The following PIWIL1 variants were observed in gnomAD, a reference collection of about 807,000 sequenced individuals.
The protein encoded by PIWIL1 is piwi like RNA-mediated gene silencing 1, also known as piwi-like protein 1.
PIWIL1 carries 73 observed loss-of-function variants against 114.4 expected under a neutral mutation model. The observed-to-expected ratio is 0.64, with a 90% CI of 0.53 to 0.78. PIWIL1 has a LOEUF of 0.78. Ranked by LOEUF, PIWIL1 falls within the 30% of genes least tolerant of loss-of-function variation. The pLI is 0.00. For missense variants in PIWIL1, 723 were observed against 1,063.1 expected, an observed-to-expected ratio of 0.68 and a Z score of 4.45; for synonymous variants, 375 against 369.0, an observed-to-expected ratio of 1.02 and a Z score of -0.19.
At chr12:130,397,729 G>A in the PIWIL1 span, 1 of 384,442 alleles carries the variant, frequency 2.6e-6, no homozygotes, top group Non-Finnish European at 4.6e-6. Flanking sequence ...CCAGAGAGAG[G>A]CCCCAGACAT....
rs760300175 is a variant in PIWIL1, at chr12:130,349,844, A to G, written c.933-12A>G. 2 of 1,445,688 alleles carry G rather than the reference A, an allele frequency of 1.4e-6. No individual in the cohort carries two copies. Among genetic ancestry groups the G allele is most frequent in the Non-Finnish European group, 9.6e-7 (1 of 1,037,528 alleles). The allele number at this position is 1,445,688 out of a possible 1,614,324, so 89.6% of individuals were successfully genotyped here. A position where few individuals can be genotyped will look rare whatever the true frequency, so the allele number is the denominator to read the frequency against. On this transcript the variant is annotated splice_polypyrimidine_tract_variant and intron_variant, in intron 8 of 20. Transcript: ENST00000245255. ...TTCCATCAAATGCAGTCAAATCTCA[A>G]CTGATCCCTAGGTATAACAATAAGA...
the PIWIL1 span, among the ~76,000 whole-genome samples, chr12:130,423,841 T>A: frequency 6.6e-6 from 1 of 152,026 alleles, no homozygotes; most frequent in African/African-American, 2.4e-5. Context: ...TTTCAGATAA[T>A]CACACTTCAG....
rs753600787 is a variant in PIWIL1 at position 130,367,121 on chromosome 12, A to G, written c.2196-12A>G. Reference sequence around the variant, plus strand: ...CTGGCTAAATGCAGTTACATTCATCATCATTTTTAAGCCCTAGACTAACGG... The same window carrying G: ...CTGGCTAAATGCAGTTACATTCATCGTCATTTTTAAGCCCTAGACTAACGG... On this transcript the variant is annotated splice_polypyrimidine_tract_variant and intron_variant, in intron 18 of 20. Transcript: ENST00000245255. The G allele has an allele frequency of 1.2e-6, 2 of 1,613,256 alleles. No homozygotes were observed. Among genetic ancestry groups the G allele is most frequent in the Non-Finnish European group, 1.7e-6 (2 of 1,179,644 alleles).
At chr12:130,405,941 T>C in the PIWIL1 span, among the ~76,000 whole-genome samples, 2 of 152,208 alleles carry the variant, frequency 1.3e-5, no homozygotes, top group African/African-American at 4.8e-5. Context: ...GCATATACAT[T>C]GAAAACACTA....
chr12:130,413,226 A>G, the PIWIL1 span, among the ~76,000 whole-genome samples: 10,061 of 152,238 alleles, frequency 0.066, 944 homozygotes, highest in African/African-American at 0.21. Flanking sequence ...TCAAATGCCA[A>G]CTGTCAGGAC....
the PIWIL1 span, chr12:130,398,056 C>A: frequency 6.6e-6 from 1 of 152,046 alleles, no homozygotes; most frequent in African/African-American, 2.4e-5. Flanking sequence ...AAAAAAAAAA[C>A]TAAAATGAAC....
chr12:130,374,754 C>T (rs1349699681), downstream of PIWIL1, among the ~76,000 whole-genome samples: 1 of 152,214 alleles, frequency 6.6e-6, no homozygotes, highest in Non-Finnish European at 1.5e-5. Flanking sequence ...CCCAAAGCTC[C>T]AGGTGATCCC....
the PIWIL1 span, chr12:130,424,795 G>A: frequency 8.1e-7 from 1 of 1,232,974 alleles, no homozygotes; most frequent in Non-Finnish European, 1.0e-6. The surrounding 1 kb of genome is among the most constrained non-coding windows in gnomAD (Gnocchi z 9.8). Context: ...TTCCTGTGGG[G>A]CTGGTGGGGA....
the PIWIL1 span, chr12:130,422,491 C>A: frequency 6.2e-7 from 1 of 1,613,220 alleles, no homozygotes; most frequent in South Asian, 1.1e-5. The surrounding 1 kb of genome is among the most constrained non-coding windows in gnomAD (Gnocchi z 5.2). Context: ...CCTCTGAGGA[C>A]CAGCGCTGCC....
intron 9 of PIWIL1, chr12:130,350,973 C>T (rs1318611324): frequency 6.6e-6 from 1 of 152,158 alleles, no homozygotes; most frequent in Admixed American, 6.5e-5. Flanking sequence ...TGACCTTATT[C>T]CTGGCAAGAT....
the PIWIL1 span, among the ~76,000 whole-genome samples, chr12:130,415,036 C>T: frequency 1.3e-5 from 2 of 152,250 alleles, no homozygotes; most frequent in Middle Eastern, 3.4e-3. Flanking sequence ...GAAAGGACTC[C>T]ACCCTAACTC....
chr12:130,413,057 A>G, the PIWIL1 span, among the ~76,000 whole-genome samples: 1 of 152,014 alleles, frequency 6.6e-6, no homozygotes, highest in Non-Finnish European at 1.5e-5. Flanking sequence ...GCTTGGATGA[A>G]TGCATGTTAT....
At chr12:130,422,638 G>A in the PIWIL1 span, 9 of 1,051,996 alleles carry the variant, frequency 8.6e-6, no homozygotes, top group East Asian at 5.2e-5. This position sits in a 1 kb window ranked among gnomAD's most constrained non-coding sequence, Gnocchi z 5.2. Context: ...CAAATCAAGC[G>A]GGTTGAAAAG....
chr12:130,359,482 A>G (rs58473587), intron 14 of PIWIL1, among the ~76,000 whole-genome samples: 6,651 of 152,258 alleles, frequency 0.044, 249 homozygotes, highest in South Asian at 0.18. Flanking sequence ...TCTTGCTGCC[A>G]TGAGCCCCTG....
At chr12:130,341,554 C>T (rs1053400946) in intron 1 of PIWIL1, among the ~76,000 whole-genome samples, 1 of 152,224 alleles carries the variant, frequency 6.6e-6, no homozygotes, top group Admixed American at 6.5e-5. Flanking sequence ...TGTATTAACA[C>T]GTGTAGTTAT....
chr12:130,365,231 A>G (rs1230949779), intron 18 of PIWIL1, among the ~76,000 whole-genome samples: 1 of 152,212 alleles, frequency 6.6e-6, no homozygotes, highest in African/African-American at 2.4e-5. Context: ...TAGACTGCAC[A>G]CTGTGAACTG....
chr12:130,406,000 TTATC>T, the PIWIL1 span, among the ~76,000 whole-genome samples: 1 of 152,164 alleles, frequency 6.6e-6, no homozygotes, highest in South Asian at 2.1e-4. Context: ...ACTTTCTAGA[TTATC>T]TATAACTCAG....
chr12:130,349,635 T>C (rs1040286158), intron 8 of PIWIL1, among the ~76,000 whole-genome samples, 199 bp downstream of exon 8: 2 of 152,236 alleles, frequency 1.3e-5, no homozygotes, highest in Non-Finnish European at 2.9e-5. Context: ...AAATAGCTAG[T>C]GATTTTTATC....
At chr12:130,342,324 G>T in intron 1 of PIWIL1, 2 of 488,176 alleles carry the variant, frequency 4.1e-6, no homozygotes, top group Non-Finnish European at 7.3e-6. Flanking sequence ...TAATCCAAAT[G>T]AAAAACTAAG....
Sources: gnomAD v4.1 joint callset for allele counts (sites outside exome capture counted in the v4.1 genomes callset) on GRCh38, gnomAD v4.1.1 for gene constraint, Gnocchi (gnomAD v3.1) non-coding constraint, MANE v1.5 for transcripts, NCBI Gene and HGNC (gene_info 2026-07-23, HGNC 2026-07-21) for gene names.